The following ARHGAP29 variants were observed in gnomAD, a reference collection of about 807,000 sequenced individuals.
ARHGAP29 encodes rho GTPase-activating protein 29.
A neutral mutation model predicts 122.6 loss-of-function variants in ARHGAP29; 43 were observed. That is an observed-to-expected ratio of 0.35 (90% CI 0.27 to 0.45). The LOEUF (loss-of-function observed/expected upper bound fraction) is 0.45. ARHGAP29 is among the 20% of genes least tolerant of loss of function. The pLI is 1.00. For missense variants in ARHGAP29, 1,303 were observed against 1,477.2 expected, an observed-to-expected ratio of 0.88 and a Z score of 1.93; for synonymous variants, 506 against 497.1, an observed-to-expected ratio of 1.02 and a Z score of -0.24.
chr1:94,305,603 A>G, the ARHGAP29 span, among the ~76,000 whole-genome samples: 6 of 152,282 alleles, frequency 3.9e-5, no homozygotes, highest in African/African-American at 1.4e-4. Context: ...TTTGTAATGG[A>G]CCTGATGAGA....
At chr1:94,227,439 A>G (rs558066262) in intron 2 of ARHGAP29, among the ~76,000 whole-genome samples, 2 of 151,914 alleles carry the variant, frequency 1.3e-5, no homozygotes, top group South Asian at 2.1e-4. Flanking sequence ...ATAAGGCACC[A>G]TAGTCACAAA....
the ARHGAP29 span, among the ~76,000 whole-genome samples, chr1:94,306,577 G>C: frequency 6.6e-6 from 1 of 152,332 alleles, no homozygotes; most frequent in East Asian, 1.9e-4. Flanking sequence ...TGAGGATCAA[G>C]ACTATGGTAT....
intron 2 of ARHGAP29, among the ~76,000 whole-genome samples, chr1:94,228,153 T>C (rs1199780392): frequency 2.0e-5 from 3 of 151,810 alleles, no homozygotes; most frequent in African/African-American, 7.2e-5. Flanking sequence ...AAACCGTATA[T>C]GTATCTTAAC....
chr1:94,213,542 G>A (rs6700676), intron 3 of ARHGAP29, among the ~76,000 whole-genome samples: 145,414 of 152,286 alleles, frequency 0.95, 69,803 homozygotes, highest in East Asian at 1. Flanking sequence ...AGGCCAGTCA[G>A]TTCTGTTGAA....
chr1:94,302,823 C>A, the ARHGAP29 span: 1 of 242,768 alleles, frequency 4.1e-6, no homozygotes, highest in South Asian at 4.2e-5. Flanking sequence ...TCGGAGGGGG[C>A]CATCGGGGGC....
At chr1:94,302,409 G>A in the ARHGAP29 span, 14 of 356,918 alleles carry the variant, frequency 3.9e-5, no homozygotes, top group South Asian at 2.9e-4. Flanking sequence ...ATGCCCCCAC[G>A]TTCGTGATGG....
At chr1:94,202,176 G>A in intron 11 of ARHGAP29, 1 of 457,866 alleles carries the variant, frequency 2.2e-6, no homozygotes. Context: ...ATAATACAAA[G>A]CTTTTGCCTA....
At chr1:94,235,683 C>T (rs1278045052) in intron 1 of ARHGAP29, among the ~76,000 whole-genome samples, 1 of 152,172 alleles carries the variant, frequency 6.6e-6, no homozygotes. Context: ...AATTCTGGTG[C>T]ATCTCTTTCA....
At chr1:94,282,855 G>T in the ARHGAP29 span, among the ~76,000 whole-genome samples, 1 of 152,068 alleles carries the variant, frequency 6.6e-6, no homozygotes, top group Non-Finnish European at 1.5e-5. Flanking sequence ...TATGTGGTTT[G>T]TCTCCAGGCA....
At chr1:94,180,144 A>G (rs1649365549) in intron 19 of ARHGAP29, among the ~76,000 whole-genome samples, 187 bp from the exon 20 acceptor site, 1 of 151,986 alleles carries the variant, frequency 6.6e-6, no homozygotes, top group Non-Finnish European at 1.5e-5. Flanking sequence ...AATCATCATC[A>G]TAAATTGTTA....
chr1:94,253,346 G>A (rs971787036), intron 1 of ARHGAP29, among the ~76,000 whole-genome samples: 3 of 152,042 alleles, frequency 2.0e-5, no homozygotes, highest in Non-Finnish European at 4.4e-5. Flanking sequence ...TGACTAGACT[G>A]GAACCAAGAC....
In ARHGAP29 at chr1:94,196,616, T is replaced by C. The variant is rs535420005; in HGVS notation, c.1281+5104A>G. 1.9e-3 allele frequency among the ~76,000 whole-genome samples: 291 copies of C among 152,306 alleles called. 3 individuals are homozygous for C. Among genetic ancestry groups the C allele is most frequent in the African/African-American group, 6.5e-3 (270 of 41,578 alleles). ...CTTTTTACTGATTTCTGCTTGTTTA[T>C]GACTCACATCCTGGGTCATAAAATA... On this transcript the variant is annotated intron_variant, in intron 12 of 22. Coordinates refer to ENST00000260526, the MANE Select transcript of ARHGAP29 (RefSeq NM_004815.4).
chr1:94,208,956 C>T, intron 4 of ARHGAP29, 52 bp from the exon 5 acceptor site: 1 of 1,490,416 alleles, frequency 6.7e-7, no homozygotes, highest in African/African-American at 1.4e-5. Flanking sequence ...TTCTTTGTGA[C>T]AGGGTTTACA....
rs945122399 is a variant in ARHGAP29, at chr1:94,196,463, T to C, written c.1281+5257A>G. Among the ~76,000 whole-genome samples the C allele has an allele frequency of 3.3e-5, 5 of 151,132 alleles. No individual in the cohort carries two copies. The East Asian group carries it at 7.8e-4, about 23-fold the overall frequency. On this transcript the variant is annotated intron_variant, in intron 12 of 22. Coordinates refer to ENST00000260526, the MANE Select transcript of ARHGAP29 (RefSeq NM_004815.4). ...TTTTTAGTAGAGACGGGGTTTCACC[T>C]TGTTAGCCAGGATGGTCTCGATCTC...
rs371410477 is a variant in ARHGAP29, at chr1:94,174,454, G to T, written c.3201C>A (p.Ser1067=). Residue 1067 remains serine, a synonymous_variant, in exon 23 of 23, where the codon TCC becomes TCA. Transcript: ENST00000260526. ...NRKDAATTVC[S]KFNGFDQQTL... ...TTTGCTGGTCAAAGCCATTAAATTT[G>T]GAACAAACAGTAGTAGCAGCGTCTT... 2.7e-5 allele frequency: 44 copies of T among 1,614,156 alleles called. No individual in the cohort carries two copies. The African/African-American group carries it at 2.9e-4, about 11-fold the overall frequency.
chr1:94,221,208 A>C (rs1423925063), intron 2 of ARHGAP29, among the ~76,000 whole-genome samples: 1 of 152,156 alleles, frequency 6.6e-6, no homozygotes, highest in Non-Finnish European at 1.5e-5. Flanking sequence ...CACAACAATC[A>C]CATTCTAGGA....
At position 94,185,325 on chromosome 1, in the gene ARHGAP29, T is replaced by C; in HGVS notation, c.1920+17A>G. ...AAAAAGCATAAAAGGGTCAACACAATTCCACAAAGATCTTACCTCTTCACA... is the reference window on the plus strand; with the variant it reads ...AAAAAGCATAAAAGGGTCAACACAACTCCACAAAGATCTTACCTCTTCACA... On this transcript the variant is annotated intron_variant, in intron 17 of 22. Coordinates refer to ENST00000260526, the MANE Select transcript of ARHGAP29 (RefSeq NM_004815.4). 1 of 1,560,786 alleles carries C rather than the reference T, an allele frequency of 6.4e-7. No individual in the cohort carries two copies. Among genetic ancestry groups the C allele is most frequent in the Non-Finnish European group, 8.6e-7 (1 of 1,158,030 alleles).
the ARHGAP29 span, among the ~76,000 whole-genome samples, chr1:94,310,809 G>A: frequency 1.3e-5 from 2 of 152,190 alleles, no homozygotes; most frequent in South Asian, 4.1e-4. Context: ...GGAGTCAAAG[G>A]CCCAGGCATG....
chr1:94,181,179 A>G (rs555286045), intron 19 of ARHGAP29, among the ~76,000 whole-genome samples: 1 of 152,318 alleles, frequency 6.6e-6, no homozygotes, highest in East Asian at 1.9e-4. Context: ...TAAAGCTGAA[A>G]TCTCAAACTG....
Sources: allele counts gnomAD v4.1 joint callset (sites outside exome capture counted in the v4.1 genomes callset), GRCh38; gene constraint gnomAD v4.1.1; transcripts MANE v1.5; gene names NCBI Gene and HGNC (gene_info 2026-07-23, HGNC 2026-07-21).